Variants in NECAB1 observed in about 807,000 individuals in gnomAD.
NECAB1 encodes the protein N-terminal EF-hand calcium-binding protein 1.
NECAB1 carries 29 observed loss-of-function variants against 57.5 expected under a neutral mutation model. The ratio of observed to expected loss-of-function variants is 0.50; its 90% CI spans 0.38 to 0.69. The LOEUF is 0.69. Among genes scored for constraint, NECAB1 ranks in the 30% least tolerant of loss-of-function variants. The pLI, the probability that NECAB1 is intolerant of heterozygous loss-of-function variation, is 0.00. For missense variants in NECAB1, 372 were observed against 413.8 expected (o/e 0.90, Z 0.88); for synonymous variants, 142 against 147.7 (o/e 0.96, Z 0.28).
intron 2 of NECAB1, chr8:90,812,572 T>A (rs1481453654): frequency 6.6e-6 from 1 of 152,178 alleles, no homozygotes; most frequent in African/African-American, 2.4e-5. Context: ...ATGTAACAAA[T>A]GAGCCTTCCC....
At chr8:90,822,464 A>G (rs188263342) in intron 2 of NECAB1, among the ~76,000 whole-genome samples, 24 of 152,078 alleles carry the variant, frequency 1.6e-4, no homozygotes, top group Admixed American at 5.2e-4. Context: ...TTTTCAAAGC[A>G]TACTTTCCAC....
At chr8:90,875,864 A>AAG (rs5893142) in intron 4 of NECAB1, among the ~76,000 whole-genome samples, 2 of 140,086 alleles carry the variant, frequency 1.4e-5, no homozygotes, top group African/African-American at 5.6e-5. Context: ...AAAAAAAATT[A>AAG]CCGGGCGTGG....
intron 7 of NECAB1, among the ~76,000 whole-genome samples, chr8:90,927,158 G>T (rs1810292032): frequency 6.7e-6 from 1 of 149,146 alleles, no homozygotes. Context: ...AATTTTATTA[G>T]TATATTTGTA....
At chr8:90,908,667 C>T (rs1809754280) in intron 5 of NECAB1, among the ~76,000 whole-genome samples, 1 of 152,108 alleles carries the variant, frequency 6.6e-6, no homozygotes, top group African/African-American at 2.4e-5. Flanking sequence ...AGGAAAGCCA[C>T]ACAAATCAAA....
At chr8:90,924,356 G>T (rs1009472728) in intron 6 of NECAB1, among the ~76,000 whole-genome samples, 2 of 152,060 alleles carry the variant, frequency 1.3e-5, no homozygotes, top group Non-Finnish European at 2.9e-5. Context: ...AAGGAGTCAG[G>T]TAAGAAAAAA....
At chr8:90,843,395 AAAAG>A (rs1344924109) in intron 3 of NECAB1, among the ~76,000 whole-genome samples, 15 of 152,316 alleles carry the variant, frequency 9.8e-5, no homozygotes, top group African/African-American at 3.4e-4. Context: ...CTCCCCTAGC[AAAAG>A]AAAGAGAAGG....
chr8:90,886,203 C>T (rs10808632), intron 5 of NECAB1, among the ~76,000 whole-genome samples: 81,732 of 151,954 alleles, frequency 0.54, 25,982 homozygotes, highest in African/African-American at 0.87. Flanking sequence ...GCTACTGTAG[C>T]TGAGAGAAGT....
chr8:90,922,156 A>G (rs1810130032), intron 6 of NECAB1, among the ~76,000 whole-genome samples: 1 of 152,218 alleles, frequency 6.6e-6, no homozygotes, highest in Non-Finnish European at 1.5e-5. Context: ...GGGGTCCCCT[A>G]TTCTCTTACA....
intron 3 of NECAB1, chr8:90,859,019 G>C (rs941470584): frequency 2.0e-5 from 3 of 152,076 alleles, no homozygotes; most frequent in African/African-American, 7.2e-5. Flanking sequence ...CCAAATTGAG[G>C]AGTAGCTCCC....
intron 9 of NECAB1, chr8:90,940,052 C>T (rs1382609225): frequency 1.3e-5 from 2 of 152,188 alleles, no homozygotes; most frequent in Admixed American, 6.5e-5. Flanking sequence ...TCTAAAATTC[C>T]ATGAGAAGCC....
intron 5 of NECAB1, among the ~76,000 whole-genome samples, chr8:90,894,141 G>A (rs181594907): frequency 1.8e-3 from 272 of 152,090 alleles, no homozygotes; most frequent in Non-Finnish European, 3.1e-3. Context: ...CATATAAAGT[G>A]GACAAATAAC....
intron 4 of NECAB1, among the ~76,000 whole-genome samples, chr8:90,873,460 G>A (rs565246533): frequency 2.0e-5 from 3 of 152,286 alleles, no homozygotes; most frequent in African/African-American, 7.2e-5. Context: ...CCAAGTTGTG[G>A]TCCACTCTCA....
intron 8 of NECAB1, among the ~76,000 whole-genome samples, chr8:90,931,690 G>A (rs1246852311): frequency 1.3e-5 from 2 of 152,008 alleles, no homozygotes; most frequent in Non-Finnish European, 2.9e-5. Context: ...GATCACCTGA[G>A]GTCAGGAGTT....
intron 5 of NECAB1, among the ~76,000 whole-genome samples, chr8:90,906,004 T>C (rs1809631573): frequency 6.6e-6 from 1 of 152,208 alleles, no homozygotes; most frequent in African/African-American, 2.4e-5. Context: ...TCTTTGAACA[T>C]TTGAAGCATA....
At chr8:90,798,934 T>G (rs1040198443) in intron 1 of NECAB1, among the ~76,000 whole-genome samples, 3 of 152,222 alleles carry the variant, frequency 2.0e-5, no homozygotes, top group African/African-American at 7.2e-5. Context: ...AGGCATTCCC[T>G]TTTCTCTGCA....
intron 3 of NECAB1, among the ~76,000 whole-genome samples, chr8:90,848,890 G>A (rs894506453): frequency 3.9e-5 from 6 of 152,114 alleles, no homozygotes; most frequent in African/African-American, 1.4e-4. Flanking sequence ...GGTGGAGGTT[G>A]CAGTGAGCCA....
At chr8:90,893,284 G>A (rs1809233646) in intron 5 of NECAB1, among the ~76,000 whole-genome samples, 1 of 152,110 alleles carries the variant, frequency 6.6e-6, no homozygotes, top group African/African-American at 2.4e-5. Context: ...ACCGCCTCTT[G>A]CACATCCCCA....
intron 2 of NECAB1, chr8:90,806,429 T>C (rs1471055829): frequency 6.6e-6 from 1 of 152,230 alleles, no homozygotes; most frequent in Non-Finnish European, 1.5e-5. Flanking sequence ...ACAATTTCAC[T>C]GAAGAAATAT....
In NECAB1 at chr8:90,958,958, C is replaced by T. The variant is rs544039294; in HGVS notation, c.*3446C>T. ...TCCATTACAGTTATTGTTGCTAGAT[C>T]CACCTCATTTGCAGATGTCCAAACT... is the stretch of plus-strand genomic sequence containing the variant. On this transcript the variant is annotated 3_prime_UTR_variant, in exon 13 of 13. Coordinates refer to ENST00000417640, the MANE Select transcript of NECAB1 (RefSeq NM_022351.5). The T allele has an allele frequency of 9.8e-6, 12 of 1,227,220 alleles. No individual in the cohort carries two copies. In the East Asian group the frequency reaches 2.2e-4, roughly 22 times the overall value. The allele number at this position is 1,227,220 out of a possible 1,614,324, so 76.0% of individuals were successfully genotyped here.
Sources: allele counts gnomAD v4.1 joint callset (sites outside exome capture counted in the v4.1 genomes callset), GRCh38; gene constraint gnomAD v4.1.1; transcripts MANE v1.5; gene names NCBI Gene and HGNC (gene_info 2026-07-23, HGNC 2026-07-21).